The following KANSL1L variants were observed in gnomAD, a reference collection of about 807,000 sequenced individuals.
KANSL1L encodes KAT8 regulatory NSL complex subunit 1-like protein.
Under a neutral mutation model 108.6 loss-of-function variants are expected in KANSL1L, and 25 were observed. That is an observed-to-expected ratio of 0.23 (90% confidence interval 0.17 to 0.32). The LOEUF (loss-of-function observed/expected upper bound fraction) is 0.32, where lower values mean the gene tolerates loss of function less well. KANSL1L is among the 10% of genes least tolerant of loss of function. The pLI is 1.00. For synonymous variants in KANSL1L, 405 were observed against 395.1 expected (o/e 1.03, Z -0.30); for missense variants, 1,137 against 1,125.7 (o/e 1.01, Z -0.14).
rs761828411 is a variant in KANSL1L at position 210,024,228 on chromosome 2, T to C, written c.2565-27A>G. The C allele has an allele frequency of 1.0e-5, 15 of 1,502,450 alleles. No homozygotes were observed. In the Admixed American group the frequency reaches 2.9e-4, roughly 29 times the overall value. The allele number at this position is 1,502,450 out of a possible 1,614,324, so 93.1% of individuals were successfully genotyped here. On this transcript the variant is annotated intron_variant, in intron 13 of 14. Transcript: ENST00000281772. ...TAGCAAGAAAATCAGGAAAACACAA[T>C]TATTTTTTATTTTTTGAGGTCTTGA... is the stretch of plus-strand genomic sequence containing the variant.
chr2:210,154,526 T>C lies in KANSL1L; in HGVS notation c.57A>G (p.Pro19=), dbSNP rs2095322835. The C allele has an allele frequency of 3.2e-6, 5 of 1,584,200 alleles. No homozygotes were observed. In the African/African-American group the frequency reaches 6.8e-5, roughly 21 times the overall value. The change falls in exon 2 of 15, where the codon CCA becomes CCG. Residue 19 remains proline (P), a synonymous_variant. Coordinates refer to ENST00000281772, the MANE Select transcript of KANSL1L (RefSeq NM_152519.4). ...GCATCTTGTCAGACTCCATGGTACT[T>C]GGCAAAGATGAAAAGCTGATACCCT... ...TAKGISFSSL[P]STMESDKMLY...
chr2:210,091,388 T>A (rs2094691930), intron 5 of KANSL1L, among the ~76,000 whole-genome samples: 1 of 152,110 alleles, frequency 6.6e-6, no homozygotes, highest in Non-Finnish European at 1.5e-5. Flanking sequence ...CTTAACCTTT[T>A]AAAAAAATGA....
chr2:210,031,620 T>C, intron 8 of KANSL1L, 74 bp from the exon 9 acceptor site: 3 of 930,860 alleles, frequency 3.2e-6, no homozygotes, highest in Non-Finnish European at 4.6e-6. Context: ...TCTGTTTTTA[T>C]TTGTAACTGC....
chr2:210,060,784 A>G (rs1211624339), intron 6 of KANSL1L, among the ~76,000 whole-genome samples: 1 of 152,248 alleles, frequency 6.6e-6, no homozygotes, highest in Non-Finnish European at 1.5e-5. Flanking sequence ...TAACATCACT[A>G]GATACCAGAG....
chr2:210,110,940 C>T (rs767677748), intron 3 of KANSL1L, among the ~76,000 whole-genome samples: 108 of 151,868 alleles, frequency 7.1e-4, no homozygotes, highest in Non-Finnish European at 1.1e-3. Context: ...GGCGAAACCC[C>T]AAACCCACCA....
chr2:210,154,048 G>C lies in KANSL1L; in HGVS notation c.535C>G (p.Leu179Val). 1 of 1,613,806 alleles carries C rather than the reference G, an allele frequency of 6.2e-7. No homozygotes were observed. Among genetic ancestry groups the C allele is most frequent in the Non-Finnish European group, 8.5e-7 (1 of 1,179,844 alleles). ...TCAGCATCAGTAACTTTATCCAAAA[G>C]TGCATTCTCTTGATACCATTTACAG... ...QNCKWYQENA[L>V]LDKVTDAEIK... The change falls in exon 2 of 15, where the codon CTT becomes GTT. Residue 179 changes from leucine to valine, a missense_variant. Leu to Val is a conservative substitution (Grantham distance 32, BLOSUM62 1). Around this residue, in one of 3 missense-constraint regions of KANSL1L, gnomAD observed 556 missense variants for 537.7 expected, o/e 1.03. Coordinates refer to ENST00000281772, the MANE Select transcript of KANSL1L (RefSeq NM_152519.4).
chr2:210,168,163 T>C (rs566656476), intron 1 of KANSL1L, among the ~76,000 whole-genome samples: 1 of 152,156 alleles, frequency 6.6e-6, no homozygotes, highest in East Asian at 1.9e-4. Context: ...ATTAGTAAAT[T>C]AGTTGCTAAT....
rs1000873459 is a variant in KANSL1L, at chr2:210,021,443, A to T, written c.*1506T>A. On this transcript the variant is annotated 3_prime_UTR_variant, in exon 15 of 15. Transcript: ENST00000281772. ...ACGGCATATAGAAATAACTTTAATT[A>T]AAAAACTTACATAGAAGATTATAAT... The T allele has an allele frequency of 4.1e-4, 62 of 152,654 alleles. No homozygotes were observed. The highest frequency in any genetic ancestry group is 1.3e-3 in the African/African-American group (56 of 41,544). 9.5% of individuals were successfully genotyped at this position (152,654 alleles called of 1,614,324 possible).
chr2:210,170,733 C>G, intron 1 of KANSL1L: 1 of 152,282 alleles, frequency 6.6e-6, no homozygotes, highest in East Asian at 1.9e-4. Context: ...CGTCACCACA[C>G]CCCCAATGGG....
intron 1 of KANSL1L, among the ~76,000 whole-genome samples, chr2:210,163,016 T>C (rs1017136269): frequency 1.3e-5 from 2 of 152,200 alleles, no homozygotes; most frequent in African/African-American, 4.8e-5. Flanking sequence ...ACCTTATCAC[T>C]GGAATACAGA....
At chr2:210,165,742 T>A (rs1371158050) in intron 1 of KANSL1L, among the ~76,000 whole-genome samples, 2 of 152,200 alleles carry the variant, frequency 1.3e-5, no homozygotes, top group Admixed American at 6.5e-5. Context: ...ACGTTCATTG[T>A]GAGTTAAGGA....
At chr2:210,120,463 A>G (rs2095005302) in intron 3 of KANSL1L, among the ~76,000 whole-genome samples, 1 of 152,056 alleles carries the variant, frequency 6.6e-6, no homozygotes, top group Middle Eastern at 3.2e-3. Flanking sequence ...TTGAAACTGG[A>G]CCCCCTCCTT....
chr2:210,042,005 A>G (rs2094169304), intron 7 of KANSL1L, among the ~76,000 whole-genome samples: 1 of 152,192 alleles, frequency 6.6e-6, no homozygotes, highest in Non-Finnish European at 1.5e-5. Context: ...GGATTCTGAT[A>G]TTTTCCAATT....
intron 8 of KANSL1L, among the ~76,000 whole-genome samples, 181 bp from the exon 9 acceptor site, chr2:210,031,727 T>C (rs768957940): frequency 1.1e-4 from 16 of 152,214 alleles, no homozygotes; most frequent in Non-Finnish European, 1.9e-4. Flanking sequence ...CAGTTTCTTA[T>C]ATTTTCTCCA....
chr2:210,033,622 C>A (rs1240453713), intron 8 of KANSL1L, among the ~76,000 whole-genome samples: 1 of 151,884 alleles, frequency 6.6e-6, no homozygotes, highest in Non-Finnish European at 1.5e-5. Context: ...CTCCGCCTCC[C>A]GGGTTCACGC....
intron 1 of KANSL1L, chr2:210,170,744 T>G (rs1303491985): frequency 1.3e-5 from 2 of 152,140 alleles, no homozygotes; most frequent in Non-Finnish European, 2.9e-5. Flanking sequence ...CCCCAATGGG[T>G]GAGGCTCAGC....
At chr2:210,140,711 CAAT>C (rs1260938008) in intron 2 of KANSL1L, among the ~76,000 whole-genome samples, 2 of 152,080 alleles carry the variant, frequency 1.3e-5, no homozygotes, top group African/African-American at 2.4e-5. Flanking sequence ...ATTTTGATAA[CAAT>C]GATATGGAAT....
At chr2:210,100,695 G>C (rs1260394251) in intron 4 of KANSL1L, among the ~76,000 whole-genome samples, 1 of 152,174 alleles carries the variant, frequency 6.6e-6, no homozygotes, top group African/African-American at 2.4e-5. Context: ...CTAGAGTGCA[G>C]TGGTGCCATC....
At chr2:210,033,396 G>C (rs184816973) in intron 8 of KANSL1L, among the ~76,000 whole-genome samples, 1 of 152,308 alleles carries the variant, frequency 6.6e-6, no homozygotes, top group East Asian at 1.9e-4. Flanking sequence ...GGTGTTAAAA[G>C]TGTCCATTCT....
Sources: gnomAD v4.1 joint callset for allele counts (sites outside exome capture counted in the v4.1 genomes callset) on GRCh38, gnomAD v4.1.1 for gene constraint, gnomAD v4.1.1 regional missense constraint, MANE v1.5 for transcripts, NCBI Gene and HGNC (gene_info 2026-07-23, HGNC 2026-07-21) for gene names.